PNPLA7: variants seen among roughly 807,000 people sequenced by gnomAD.
PNPLA7 encodes patatin like domain 7, lysophospholipase.
A neutral mutation model predicts 161.7 loss-of-function variants in PNPLA7; 153 were observed. That is an observed-to-expected ratio of 0.95 (90% CI 0.83 to 1.08). The LOEUF is 1.08. Among genes scored for constraint, PNPLA7 ranks in the 50% least tolerant of loss-of-function variants. The pLI is 0.00. For synonymous variants in PNPLA7, 809 were observed against 782.1 expected (o/e 1.03, Z -0.57); for missense variants, 1,739 against 1,856.6 (o/e 0.94, Z 1.16).
At chr9:137,460,541 C>T (rs548988198) in intron 34 of PNPLA7, 65 bp from the exon 35 acceptor site, 2 of 1,600,208 alleles carry the variant, frequency 1.2e-6, no homozygotes, top group East Asian at 4.5e-5. Flanking sequence ...GCGCTGGTAA[C>T]CCGGTGGGAC....
At chr9:137,483,613 C>T (rs1392018058) in intron 21 of PNPLA7, among the ~76,000 whole-genome samples, 6 of 152,244 alleles carry the variant, frequency 3.9e-5, no homozygotes, top group South Asian at 2.1e-4. Flanking sequence ...TCCACCACCA[C>T]GCCCAGCTAA....
At chr9:137,474,794 C>T (rs1472105960) in intron 25 of PNPLA7, among the ~76,000 whole-genome samples, 2 of 149,690 alleles carry the variant, frequency 1.3e-5, no homozygotes, top group African/African-American at 4.9e-5. Flanking sequence ...AGGCGGATCA[C>T]GAGGTCAGGA....
Position 137,460,344 on chromosome 9 carries a change from G to GA in PNPLA7, c.*48_*49insT. On this transcript the variant is annotated 3_prime_UTR_variant, in exon 35 of 35. Coordinates refer to ENST00000406427, the MANE Select transcript of PNPLA7 (RefSeq NM_001098537.3). Reference sequence around the variant, plus strand: ...GGACTTGGCAGGAGCCTCAGCCTTGGGGACAGTCCCACGGAAGACGCTGCA... The same window carrying GA: ...GGACTTGGCAGGAGCCTCAGCCTTGGAGGACAGTCCCACGGAAGACGCTGCA... 3.2e-6 allele frequency: 5 copies of GA among 1,560,972 alleles called. No homozygotes were observed. Among genetic ancestry groups the GA allele is most frequent in the Non-Finnish European group, 4.4e-6 (5 of 1,142,128 alleles).
At chr9:137,535,527 G>A (rs1461025729) in intron 8 of PNPLA7, among the ~76,000 whole-genome samples, 1 of 152,160 alleles carries the variant, frequency 6.6e-6, no homozygotes, top group Non-Finnish European at 1.5e-5. Flanking sequence ...GGCCGAGGCA[G>A]GCGGATCACA....
At chr9:137,511,167 CG>C (rs1474250062) in intron 12 of PNPLA7, among the ~76,000 whole-genome samples, 41 of 151,160 alleles carry the variant, frequency 2.7e-4, no homozygotes, top group African/African-American at 9.7e-4. Flanking sequence ...CTTGGTCTGG[CG>C]GTAGCACCAG....
rs1832076042 is a variant in PNPLA7 at position 137,479,040 on chromosome 9, C to T, written c.2763+16G>A. On this transcript the variant is annotated intron_variant, in intron 24 of 34. Transcript: ENST00000406427. ...CCACGGAGCCACGGGCAGGCAGCCTCCTCTCCCCGCCTCACCAGCTTGGGC... is the reference window on the plus strand; with the variant it reads ...CCACGGAGCCACGGGCAGGCAGCCTTCTCTCCCCGCCTCACCAGCTTGGGC... The T allele has an allele frequency of 3.9e-6, 6 of 1,543,992 alleles. No individual in the cohort carries two copies. Among genetic ancestry groups the T allele is most frequent in the Non-Finnish European group, 4.4e-6 (5 of 1,140,002 alleles).
rs374861102 is a variant in PNPLA7 at position 137,550,183 on chromosome 9, T to C, written c.15A>G (p.Lys5=). The C allele has an allele frequency of 8.1e-6, 13 of 1,612,940 alleles. No homozygotes were observed. In the South Asian group the frequency reaches 1.2e-4, roughly 15 times the overall value. ...AGTTACATACCTGTGGGCTGTCATC[T>C]TTCTCTTCCTCCATGGCCAGAAACA... MEEE[K]DDSPQADFCL... Residue 5 remains lysine, a synonymous_variant, in exon 1 of 35, where the codon AAA becomes AAG. Coordinates refer to ENST00000406427, the MANE Select transcript of PNPLA7 (RefSeq NM_001098537.3).
chr9:137,479,398 C>T, intron 23 of PNPLA7, 160 bp from the exon 24 acceptor site: 1 of 1,311,306 alleles, frequency 7.6e-7, no homozygotes, highest in Non-Finnish European at 9.7e-7. Flanking sequence ...CTTGGCGCTG[C>T]CGAAGCTCTG....
chr9:137,513,105 A>C (rs1834324732), intron 12 of PNPLA7, among the ~76,000 whole-genome samples: 1 of 152,244 alleles, frequency 6.6e-6, no homozygotes, highest in African/African-American at 2.4e-5. Flanking sequence ...ATAAAGAGTA[A>C]GGAAAAGATG....
chr9:137,484,817 C>A, intron 20 of PNPLA7, 81 bp from the exon 21 acceptor site: 1 of 1,465,242 alleles, frequency 6.8e-7, no homozygotes, highest in Non-Finnish European at 9.1e-7. Context: ...CCCCCCGAGG[C>A]TGCACAGGAG....
At chr9:137,545,640 AGCTT>A (rs1166107310) in intron 4 of PNPLA7, among the ~76,000 whole-genome samples, 3 of 152,264 alleles carry the variant, frequency 2.0e-5, no homozygotes, top group Non-Finnish European at 4.4e-5. Flanking sequence ...ATTAATCATT[AGCTT>A]GTAGCAATTA....
At position 137,547,515 on chromosome 9, in the gene PNPLA7, G is replaced by A; in HGVS notation, c.105+70C>T. On this transcript the variant is annotated intron_variant, in intron 2 of 34. Coordinates refer to ENST00000406427, the MANE Select transcript of PNPLA7 (RefSeq NM_001098537.3). The surrounding 1 kb of genome is among the most constrained non-coding windows in gnomAD (Gnocchi z 4.6). ...GCTGGGCAGGAATGAGCCAGGGGATGGGGACAGGGAGAGGTGAAAAAGGCC... is the reference window on the plus strand; with the variant it reads ...GCTGGGCAGGAATGAGCCAGGGGATAGGGACAGGGAGAGGTGAAAAAGGCC... 11 of 1,594,768 alleles carry A rather than the reference G, an allele frequency of 6.9e-6. No homozygotes were observed. The highest frequency in any genetic ancestry group is 9.5e-6 in the Non-Finnish European group (11 of 1,163,542).
At chr9:137,511,136 G>A (rs1564335019) in intron 12 of PNPLA7, among the ~76,000 whole-genome samples, 1 of 152,178 alleles carries the variant, frequency 6.6e-6, no homozygotes, top group African/African-American at 2.4e-5. Flanking sequence ...TGCCTGGGAA[G>A]GCACCCGTTA....
In PNPLA7 at chr9:137,505,683, C is replaced by T; in HGVS notation, c.1404G>A (p.Leu468=). Residue 468 remains leucine (L), a synonymous_variant, in exon 14 of 35, where the codon CTG becomes CTA. Transcript: ENST00000406427. The stretch of plus-strand genomic sequence containing the variant: ...AGATGGCATCCGACTTCCTGCTGGC[C>T]AGGGTCTCATCCGTGTGACTCTCTG... ...QHSESHTDET[L]ASRKSDAIFR... is the part of the protein sequence containing the mutation. 2 of 1,614,144 alleles carry T rather than the reference C, an allele frequency of 1.2e-6. No homozygotes were observed. The highest frequency in any genetic ancestry group is 1.7e-6 in the Non-Finnish European group (2 of 1,180,040).
Position 137,497,195 on chromosome 9 carries a change from C to A in PNPLA7, c.2005G>T (p.Val669Phe). 3 of 1,581,598 alleles carry A rather than the reference C, an allele frequency of 1.9e-6. No individual in the cohort carries two copies. The highest frequency in any genetic ancestry group is 1.2e-5 in the South Asian group (1 of 86,030). ...CAGGGCCCAGCACCTACCACGCCGA[C>A]GAGGTCTCCTCGGCCGTACTCCCCG... is the stretch of plus-strand genomic sequence containing the variant. ...LAGEYGRGDL[V>F]GVVETLTHQA... is the part of the protein sequence containing the mutation. Residue 669 changes from valine (V) to phenylalanine (F), a missense_variant, in exon 18 of 35, where the codon GTC becomes TTC. Coordinates refer to ENST00000406427, the MANE Select transcript of PNPLA7 (RefSeq NM_001098537.3).
At chr9:137,522,316 C>A (rs528676387) in intron 9 of PNPLA7, among the ~76,000 whole-genome samples, 10 of 151,562 alleles carry the variant, frequency 6.6e-5, no homozygotes, top group African/African-American at 1.2e-4. Flanking sequence ...CCTCGTGATC[C>A]GCCCACCTCG....
At chr9:137,535,086 C>T (rs1041361717) in intron 8 of PNPLA7, among the ~76,000 whole-genome samples, 16 of 152,366 alleles carry the variant, frequency 1.1e-4, no homozygotes, top group African/African-American at 3.8e-4. Flanking sequence ...ACACTCTGGC[C>T]TTTTACAGAG....
At chr9:137,542,457 T>C (rs1836256515) in intron 7 of PNPLA7, among the ~76,000 whole-genome samples, 185 bp downstream of exon 7, 1 of 151,832 alleles carries the variant, frequency 6.6e-6, no homozygotes. Context: ...GGTGACAGAG[T>C]GAGACCCTGT....
In PNPLA7 at chr9:137,499,452, C is replaced by T. The variant is rs996515625; in HGVS notation, c.1758-1207G>A. 7.9e-5 allele frequency among the ~76,000 whole-genome samples: 12 copies of T among 152,230 alleles called. No homozygotes were observed. The highest frequency in any genetic ancestry group is 4.1e-4 in the South Asian group (2 of 4,836). On this transcript the variant is annotated intron_variant, in intron 16 of 34. Coordinates refer to ENST00000406427, the MANE Select transcript of PNPLA7 (RefSeq NM_001098537.3). This position sits in a 1 kb window ranked among gnomAD's most constrained non-coding sequence, Gnocchi z 5.5. The stretch of plus-strand genomic sequence containing the variant: ...GTTCCTGTCCCTGCTCTTCGCCATC[C>T]GTCCTGATCTCCCTGGCACTGATGT...
Sources: gnomAD v4.1 joint callset for allele counts (sites outside exome capture counted in the v4.1 genomes callset) on GRCh38, gnomAD v4.1.1 for gene constraint, Gnocchi (gnomAD v3.1) non-coding constraint, MANE v1.5 for transcripts, NCBI Gene and HGNC (gene_info 2026-07-23, HGNC 2026-07-21) for gene names.